ZNF726: variants seen among roughly 807,000 people sequenced by gnomAD.
The protein encoded by ZNF726 is zinc finger protein 92 pseudogene 3.
ZNF726 carries 15 observed loss-of-function variants against 11.6 expected under a neutral mutation model. The observed-to-expected ratio is 1.29, with a 90% CI of 0.86 to 1.99. The LOEUF (loss-of-function observed/expected upper bound fraction) is 1.99. Ranked by LOEUF, ZNF726 falls within the 30% of genes most tolerant of loss-of-function variation. ZNF726 has a pLI of 0.00. For synonymous variants in ZNF726, 295 were observed against 243.6 expected, an observed-to-expected ratio of 1.21 and a Z score of -1.96; for missense variants, 890 against 725.6, an observed-to-expected ratio of 1.23 and a Z score of -2.60.
intron 3 of ZNF726, chr19:23,920,421 A>T (rs1359735614): frequency 2.4e-5 from 4 of 168,668 alleles, no homozygotes; most frequent in South Asian, 1.3e-4. Context: ...CTATGTTAAA[A>T]TTTTTTTTTG....
At chr19:23,944,237 G>A (rs1968383013) in intron 4 of ZNF726, 1 of 151,882 alleles carries the variant, frequency 6.6e-6, no homozygotes. Flanking sequence ...ACTTGCCTTT[G>A]CTTTGAATTT....
intron 4 of ZNF726, chr19:23,943,647 A>G: frequency 1.9e-6 from 1 of 522,982 alleles, no homozygotes; most frequent in South Asian, 2.9e-5. Context: ...GTCAAAAAGA[A>G]TGCCAGACTT....
intron 1 of ZNF726, among the ~76,000 whole-genome samples, chr19:23,916,297 CATATTGATACCT>C (rs1329452909): frequency 1.3e-5 from 2 of 151,698 alleles, no homozygotes; most frequent in Non-Finnish European, 2.9e-5. Context: ...CTTTAGTGTA[CATATTGATACCT>C]ATTTTAATGA....
At position 23,939,862 on chromosome 19, in the gene ZNF726, A is replaced by ATTTTTTTTTTTTT. The variant is rs374902806; in HGVS notation, c.227-3624_227-3612dup. On this transcript the variant is annotated intron_variant, in intron 3 of 4. Coordinates refer to the ZNF726 transcript ENST00000334589. Reference sequence around the variant, plus strand: ...TGTCTTTGGCCCACTTTTTGATGGGATTTTTTTTTTTTTTTTTTTTCTGAC... The same window carrying ATTTTTTTTTTTTT: ...TGTCTTTGGCCCACTTTTTGATGGGATTTTTTTTTTTTTTTTTTTTTTTTTTTTTTTTTCTGAC... Among the ~76,000 whole-genome samples, 409 of 87,082 alleles carry ATTTTTTTTTTTTT rather than the reference A, an allele frequency of 4.7e-3. 19 individuals are homozygous for ATTTTTTTTTTTTT. Among genetic ancestry groups the ATTTTTTTTTTTTT allele is most frequent in the Non-Finnish European group, 6.3e-3 (281 of 44,690 alleles). The allele number at this position is 87,082 out of a possible 152,430, so 57.1% of individuals were successfully genotyped here. A position where few individuals can be genotyped will look rare whatever the true frequency, so the allele number is the denominator to read the frequency against.
intron 1 of ZNF726, among the ~76,000 whole-genome samples, chr19:23,917,686 T>C (rs1347766872): frequency 6.6e-6 from 1 of 152,180 alleles, no homozygotes; most frequent in African/African-American, 2.4e-5. Context: ...TGATTTTTAA[T>C]ACAAATAATA....
chr19:23,939,676 C>A (rs1384963406), intron 3 of ZNF726, among the ~76,000 whole-genome samples: 3 of 152,078 alleles, frequency 2.0e-5, no homozygotes, highest in Non-Finnish European at 2.9e-5. Flanking sequence ...TGCATCCACG[C>A]CAACATCTAC....
intron 4 of ZNF726, chr19:23,943,627 A>G: frequency 1.8e-6 from 1 of 558,358 alleles, no homozygotes; most frequent in Non-Finnish European, 3.3e-6. Context: ...CACAGATGAC[A>G]GGTTCAAAGG....
chr19:23,940,565 G>C (rs1458730975), intron 3 of ZNF726, among the ~76,000 whole-genome samples: 2 of 151,458 alleles, frequency 1.3e-5, no homozygotes, highest in African/African-American at 4.8e-5. Flanking sequence ...TGTGGAATTT[G>C]TAGATTGCTT....
intron 3 of ZNF726, among the ~76,000 whole-genome samples, chr19:23,939,681 A>G (rs1331513690): frequency 6.6e-6 from 1 of 152,112 alleles, no homozygotes; most frequent in Non-Finnish European, 1.5e-5. Context: ...CCACGCCAAC[A>G]TCTACAGTTT....
chr19:23,922,853 C>T (rs556452054), intron 3 of ZNF726, among the ~76,000 whole-genome samples: 1 of 152,038 alleles, frequency 6.6e-6, no homozygotes, highest in East Asian at 1.9e-4. Flanking sequence ...CTGGTTCTCT[C>T]ATAAAAGCAT....
chr19:23,937,489 C>T (rs576797777), downstream of ZNF726, among the ~76,000 whole-genome samples: 259 of 152,016 alleles, frequency 1.7e-3, no homozygotes, highest in Non-Finnish European at 3.2e-3. Context: ...GGCAGAGACG[C>T]TCCTCACATC....
intron 3 of ZNF726, among the ~76,000 whole-genome samples, chr19:23,921,776 G>A (rs540115526): frequency 7.9e-5 from 12 of 152,242 alleles, no homozygotes; most frequent in African/African-American, 1.4e-4. Context: ...AGGTTTTAAT[G>A]TACTTTTTTA....
rs1968155228 is a variant in ZNF726, at chr19:23,933,212, G to C, written c.1096G>C (p.Glu366Gln). 6.2e-7 allele frequency: 1 copy of C among 1,612,998 alleles called. No individual in the cohort carries two copies. Among genetic ancestry groups the C allele is most frequent in the Non-Finnish European group, 8.5e-7 (1 of 1,179,970 alleles). The change falls in exon 4 of 4, where the codon GAG becomes CAG. Residue 366 changes from glutamate (E) to glutamine (Q), a missense_variant. Transcript: ENST00000594466. ...TACACATAGGATAATTCATACTGGA[G>C]AGAAACCCTACAAATGTGAAGAATG... ...LTTHRIIHTG[E>Q]KPYKCEECGK...
At chr19:23,940,628 G>A (rs1362957819) in intron 3 of ZNF726, among the ~76,000 whole-genome samples, 1 of 152,104 alleles carries the variant, frequency 6.6e-6, no homozygotes, top group Admixed American at 6.5e-5. Context: ...ATGAGCATGG[G>A]ATGTGTTTCT....
In ZNF726 at chr19:23,920,099, A is replaced by G. The variant is rs1296785273; in HGVS notation, c.226+17A>G. ...AACCCCCAGGTAGGTGAGAGTGAATACAACAGATGACCTGGATGAGAGGTC... is the reference window on the plus strand; with the variant it reads ...AACCCCCAGGTAGGTGAGAGTGAATGCAACAGATGACCTGGATGAGAGGTC... On this transcript the variant is annotated intron_variant, in intron 3 of 3. Coordinates refer to ENST00000594466, the MANE Select transcript of ZNF726 (RefSeq NM_001244038.2). 1 of 1,534,908 alleles carries G rather than the reference A, an allele frequency of 6.5e-7. No homozygotes were observed. Among genetic ancestry groups the G allele is most frequent in the South Asian group, 1.1e-5 (1 of 89,680 alleles).
At chr19:23,920,908 A>T (rs1967832094) in intron 3 of ZNF726, 1 of 152,110 alleles carries the variant, frequency 6.6e-6, no homozygotes, top group Admixed American at 6.6e-5. Context: ...TGAGCAAAGG[A>T]GACAGGGTCA....
At chr19:23,919,803 G>A (rs1967797087) in intron 2 of ZNF726, 184 bp from the exon 3 acceptor site, 2 of 452,746 alleles carry the variant, frequency 4.4e-6, no homozygotes, top group South Asian at 3.2e-5. Context: ...GTAGTACCAG[G>A]CAGTGAAATT....
At chr19:23,941,295 G>A (rs1599477800) in intron 3 of ZNF726, among the ~76,000 whole-genome samples, 1 of 152,208 alleles carries the variant, frequency 6.6e-6, no homozygotes, top group East Asian at 1.9e-4. Context: ...TGACGTGTGT[G>A]TGTTAAACCA....
At chr19:23,932,313 G>A in intron 3 of ZNF726, 30 bp from the exon 4 acceptor site, 1 of 1,293,584 alleles carries the variant, frequency 7.7e-7, no homozygotes, top group Non-Finnish European at 9.9e-7. Context: ...AGTATAGTAA[G>A]TGGAGTAAAT....
Sources: gnomAD v4.1 joint callset for allele counts (sites outside exome capture counted in the v4.1 genomes callset) on GRCh38, gnomAD v4.1.1 for gene constraint, MANE v1.5 for transcripts, NCBI Gene and HGNC (gene_info 2026-07-23, HGNC 2026-07-21) for gene names.